Variants in TCF20 observed in about 807,000 individuals in gnomAD.
TCF20 encodes the protein SPRE-binding protein.
TCF20 carries 3 observed loss-of-function variants against 148.6 expected under a neutral mutation model. That is an observed-to-expected ratio of 0.02 (90% CI 0.01 to 0.05). The LOEUF (loss-of-function observed/expected upper bound fraction) is 0.05, where lower values mean the gene tolerates loss of function less well. Ranked by LOEUF, TCF20 falls within the 10% of genes least tolerant of loss-of-function variation. The pLI, the probability that TCF20 is intolerant of heterozygous loss-of-function variation, is 1.00. For missense variants in TCF20, 2,350 were observed against 2,429.3 expected, an observed-to-expected ratio of 0.97 and a Z score of 0.69; for synonymous variants, 1,049 against 909.5, an observed-to-expected ratio of 1.15 and a Z score of -2.76.
At chr22:42,225,572 C>CCA (rs573947939) in intron 1 of TCF20, among the ~76,000 whole-genome samples, 2 of 149,602 alleles carry the variant, frequency 1.3e-5, no homozygotes, top group South Asian at 4.3e-4. Context: ...CGAGATTGCG[C>CCA]CACTGCAGTC....
chr22:42,311,462 T>C (rs1927535690), intron 1 of TCF20, among the ~76,000 whole-genome samples: 1 of 152,226 alleles, frequency 6.6e-6, no homozygotes, highest in African/African-American at 2.4e-5. Flanking sequence ...AGTGATCACC[T>C]TTCCTAAAGG....
chr22:42,213,157 C>T lies in TCF20; in HGVS notation c.2149G>A (p.Val717Met), dbSNP rs150138145. The T allele has an allele frequency of 7.7e-5, 125 of 1,614,160 alleles. No homozygotes were observed. The African/African-American group carries it at 9.7e-4, about 13-fold the overall frequency. ...YSYKDSFGSA[V>M]PRNVSGFPQY... ...GGAAAGCCACTGACATTTCGTGGCA[C>T]GGCTGACCCGAAACTATCTTTGTAA... The change falls in exon 2 of 6, where the codon GTG (valine) becomes ATG (methionine). Residue 717 changes from valine to methionine, a missense_variant. Coordinates refer to ENST00000677622, the MANE Select transcript of TCF20 (RefSeq NM_001378418.1).
chr22:42,306,960 C>T (rs1044959791), intron 1 of TCF20, among the ~76,000 whole-genome samples: 3 of 151,010 alleles, frequency 2.0e-5, no homozygotes, highest in African/African-American at 7.3e-5. Flanking sequence ...AATCGCTTGA[C>T]CCTGGGGAGC....
At chr22:42,252,144 G>T (rs549110546) in intron 1 of TCF20, among the ~76,000 whole-genome samples, 3 of 151,314 alleles carry the variant, frequency 2.0e-5, no homozygotes, top group African/African-American at 7.3e-5. Flanking sequence ...AAAATTAGCC[G>T]GGTGTGGTGG....
intron 1 of TCF20, among the ~76,000 whole-genome samples, chr22:42,240,881 T>C (rs1405961270): frequency 6.6e-6 from 1 of 150,792 alleles, no homozygotes; most frequent in Non-Finnish European, 1.5e-5. Context: ...TGAGACAGAG[T>C]CTTGCTCTGT....
intron 1 of TCF20, among the ~76,000 whole-genome samples, chr22:42,266,585 C>T (rs1926299054): frequency 6.6e-6 from 1 of 151,788 alleles, no homozygotes; most frequent in African/African-American, 2.4e-5. Flanking sequence ...CGAGACTGGC[C>T]TGGCCAAGAT....
At chr22:42,269,183 T>C (rs1158529411) in intron 1 of TCF20, among the ~76,000 whole-genome samples, 1 of 152,130 alleles carries the variant, frequency 6.6e-6, no homozygotes, top group Non-Finnish European at 1.5e-5. Flanking sequence ...CTCTTCACTC[T>C]TCACTGAGGC....
intron 1 of TCF20, among the ~76,000 whole-genome samples, chr22:42,254,561 TCCTCCATTCACCTGC>T (rs558732428): frequency 1.3e-5 from 2 of 152,200 alleles, no homozygotes; most frequent in African/African-American, 4.8e-5. Flanking sequence ...CTCTCACCTG[TCCTCCATTCACCTGC>T]CCTAAGGCAG....
At chr22:42,170,251 C>A (rs1936041829) in intron 3 of TCF20, among the ~76,000 whole-genome samples, 1 of 151,116 alleles carries the variant, frequency 6.6e-6, no homozygotes, top group Admixed American at 6.6e-5. Context: ...GTAATCCCAG[C>A]ACTTTGGGAG....
chr22:42,251,612 C>T (rs1262369099), intron 1 of TCF20, among the ~76,000 whole-genome samples: 4 of 137,720 alleles, frequency 2.9e-5, no homozygotes, highest in Non-Finnish European at 4.5e-5. Flanking sequence ...AAGTGATTCT[C>T]GTGCCTCAGC....
chr22:42,177,852 T>C (rs552201463), intron 3 of TCF20, among the ~76,000 whole-genome samples: 1 of 152,132 alleles, frequency 6.6e-6, no homozygotes, highest in Non-Finnish European at 1.5e-5. Context: ...GTTCCTGACA[T>C]GGAGCTCCTA....
At chr22:42,232,805 G>A (rs28755789) in intron 1 of TCF20, among the ~76,000 whole-genome samples, 2,672 of 129,910 alleles carry the variant, frequency 0.021, no homozygotes, top group African/African-American at 0.028. Context: ...TCTCCAAAAA[G>A]AAAAAAAAAA....
At chr22:42,341,583 G>C (rs1928169412) in intron 1 of TCF20, among the ~76,000 whole-genome samples, 3 of 152,178 alleles carry the variant, frequency 2.0e-5, no homozygotes, top group African/African-American at 7.2e-5. Context: ...GAAGCAGGAG[G>C]CTTCTGACAC....
rs910831385 is a variant in TCF20 at position 42,252,350 on chromosome 22, A to C, written c.-37+17989T>G. On this transcript the variant is annotated intron_variant, in intron 1 of 5. Coordinates refer to ENST00000677622, the MANE Select transcript of TCF20 (RefSeq NM_001378418.1). ...AGAATTATGGCCTAAACCCGTCTGAAACAACTATTCAAGAAGTCTTTGGGA... is the reference window on the plus strand; with the variant it reads ...AGAATTATGGCCTAAACCCGTCTGACACAACTATTCAAGAAGTCTTTGGGA... Among the ~76,000 whole-genome samples, 5 of 152,138 alleles carry C rather than the reference A, an allele frequency of 3.3e-5. No homozygotes were observed. In the South Asian group the frequency reaches 1.0e-3, roughly 32 times the overall value.
intron 1 of TCF20, among the ~76,000 whole-genome samples, chr22:42,261,555 A>ATT (rs535424485): frequency 2.0e-5 from 3 of 149,022 alleles, no homozygotes; most frequent in African/African-American, 7.5e-5. Context: ...TTCATTCTAC[A>ATT]TTTTTTTTTT....
rs756510112 is a variant in TCF20, at chr22:42,309,056, C to T, written c.-37+34423G>A. Among the ~76,000 whole-genome samples, 12 of 152,002 alleles carry T rather than the reference C, an allele frequency of 7.9e-5. 1 individual carries two copies. In the South Asian group the frequency reaches 1.0e-3, roughly 13 times the overall value. ...GCAGAGGCCTCACAGGACACCCTGG[C>T]GGGGGAGGCTGAGAGAAGCATGGCC... On this transcript the variant is annotated intron_variant, in intron 1 of 1. Transcript: ENST00000515426.
At chr22:42,288,537 G>GAA (rs397867980), upstream of TCF20, among the ~76,000 whole-genome samples, 383 of 73,402 alleles carry the variant, frequency 5.2e-3, 2 homozygotes, top group African/African-American at 9.1e-3. Context: ...TCCATCTCAG[G>GAA]AAAAAAAAAA....
chr22:42,182,965 G>A (rs1318776101), intron 2 of TCF20, among the ~76,000 whole-genome samples: 3 of 152,188 alleles, frequency 2.0e-5, no homozygotes, highest in Non-Finnish European at 2.9e-5. Context: ...TTGAACTTCT[G>A]ACCTCAAGTG....
At chr22:42,276,334 A>C (rs1281068722) in intron 1 of TCF20, 2 of 152,192 alleles carry the variant, frequency 1.3e-5, no homozygotes, top group Non-Finnish European at 2.9e-5. Flanking sequence ...TCACAACACC[A>C]GGGCAGCCTC....
Sources: allele counts gnomAD v4.1 joint callset (sites outside exome capture counted in the v4.1 genomes callset), GRCh38; gene constraint gnomAD v4.1.1; transcripts MANE v1.5; gene names NCBI Gene and HGNC (gene_info 2026-07-23, HGNC 2026-07-21).